Variants in LAPTM5 observed in about 807,000 individuals in gnomAD.
LAPTM5 encodes the protein lysosomal-associated transmembrane protein 5.
Under a neutral mutation model 30.1 loss-of-function variants are expected in LAPTM5, and 11 were observed. That is an observed-to-expected ratio of 0.37 (90% CI 0.23 to 0.60). The LOEUF is 0.60. LAPTM5 is among the 20% of genes least tolerant of loss of function. The pLI, the probability that LAPTM5 is intolerant of heterozygous loss-of-function variation, is 0.71. For missense variants in LAPTM5, 324 were observed against 332.5 expected, an observed-to-expected ratio of 0.97 and a Z score of 0.20; for synonymous variants, 151 against 137.9, an observed-to-expected ratio of 1.10 and a Z score of -0.67.
chr1:30,735,788 G>C (rs919814658), intron 6 of LAPTM5, among the ~76,000 whole-genome samples: 5 of 152,206 alleles, frequency 3.3e-5, no homozygotes, highest in African/African-American at 1.2e-4. Flanking sequence ...CCAGAGTGGG[G>C]CATACAATCC....
chr1:30,743,380 G>A (rs940848934), intron 1 of LAPTM5, among the ~76,000 whole-genome samples: 33 of 152,190 alleles, frequency 2.2e-4, no homozygotes, highest in Non-Finnish European at 3.5e-4. Flanking sequence ...TGTGGAAGGG[G>A]CGAATCTGAT....
Position 30,733,381 on chromosome 1 carries a change from A to G in LAPTM5, c.*447T>C, listed in dbSNP as rs1458215605. On this transcript the variant is annotated 3_prime_UTR_variant, in exon 8 of 8. Coordinates refer to ENST00000294507, the MANE Select transcript of LAPTM5 (RefSeq NM_006762.3). Reference sequence around the variant, plus strand: ...GGGGTAACTAATTAATGATTACTTGATTAAATTGCTATGTGAACTGACAAC... The same window carrying G: ...GGGGTAACTAATTAATGATTACTTGGTTAAATTGCTATGTGAACTGACAAC... 3 of 434,716 alleles carry G rather than the reference A, an allele frequency of 6.9e-6. No homozygotes were observed. Among genetic ancestry groups the G allele is most frequent in the Middle Eastern group, 4.4e-4 (1 of 2,292 alleles). The allele number at this position is 434,716 out of a possible 1,614,324, so 26.9% of individuals were successfully genotyped here.
Position 30,739,244 on chromosome 1 carries a change from C to T in LAPTM5, c.388-182G>A, listed in dbSNP as rs1639933467. On this transcript the variant is annotated intron_variant, in intron 4 of 7. Coordinates refer to ENST00000294507, the MANE Select transcript of LAPTM5 (RefSeq NM_006762.3). The surrounding 1 kb of genome is among the most constrained non-coding windows in gnomAD (Gnocchi z 4.2). ...GTTCATACCAAGAGCTGGTGGCAGA[C>T]CCAAGACTAGAACCAAGGTCTCCAG... 2.7e-6 allele frequency: 2 copies of T among 752,436 alleles called. No individual in the cohort carries two copies. Among genetic ancestry groups the T allele is most frequent in the Admixed American group, 6.1e-5 (2 of 32,538 alleles). 46.6% of individuals were successfully genotyped at this position (752,436 alleles called of 1,614,324 possible).
At chr1:30,749,909 A>G (rs1436623415) in intron 1 of LAPTM5, among the ~76,000 whole-genome samples, 1 of 151,950 alleles carries the variant, frequency 6.6e-6, no homozygotes, top group Admixed American at 6.5e-5. Context: ...ACACGGATCC[A>G]CCGGTTTGGC....
intron 6 of LAPTM5, 132 bp from the exon 7 acceptor site, chr1:30,735,397 T>C: frequency 2.8e-6 from 2 of 720,834 alleles, no homozygotes; most frequent in Non-Finnish European, 4.8e-6. Context: ...TGCTCGGACC[T>C]CTCATTCTGG....
rs550215498 is a variant in LAPTM5, at chr1:30,732,565, C to T, written c.*1263G>A. 3 of 151,894 alleles carry T rather than the reference C, an allele frequency of 2.0e-5. No homozygotes were observed. The highest frequency in any genetic ancestry group is 4.2e-4 in the South Asian group (2 of 4,806). 9.4% of individuals were successfully genotyped at this position (151,894 alleles called of 1,614,324 possible). ...AGGGAGCTCTTGCAGAGCCTTCTCC[C>T]TCTGTACCCCCCGACAGTCCCCAGA... On this transcript the variant is annotated 3_prime_UTR_variant, in exon 8 of 8. Transcript: ENST00000294507.
At chr1:30,736,814 T>A (rs553809814) in intron 6 of LAPTM5, among the ~76,000 whole-genome samples, 1 of 152,320 alleles carries the variant, frequency 6.6e-6, no homozygotes, top group African/African-American at 2.4e-5. Flanking sequence ...AAGCCCTTCC[T>A]TCTGTGGTCA....
chr1:30,747,516 C>G (rs1173648331), intron 1 of LAPTM5, among the ~76,000 whole-genome samples: 2 of 152,198 alleles, frequency 1.3e-5, no homozygotes, highest in African/African-American at 4.8e-5. Context: ...TCTTCTTCTG[C>G]CCATCTTTGG....
At chr1:30,745,331 C>T (rs577880671) in intron 1 of LAPTM5, among the ~76,000 whole-genome samples, 11 of 152,308 alleles carry the variant, frequency 7.2e-5, no homozygotes, top group South Asian at 2.1e-4. Flanking sequence ...CTCCGCTGCC[C>T]GGCATCTTCC....
At chr1:30,749,703 A>T (rs1640103443) in intron 1 of LAPTM5, among the ~76,000 whole-genome samples, 1 of 152,152 alleles carries the variant, frequency 6.6e-6, no homozygotes, top group Non-Finnish European at 1.5e-5. Context: ...GAGGAGGTGG[A>T]TCTTGAAGAA....
rs779865690 is a variant in LAPTM5 at position 30,733,863 on chromosome 1, C to T, written c.754G>A (p.Gly252Arg). 1.9e-6 allele frequency: 3 copies of T among 1,610,782 alleles called. No individual in the cohort carries two copies. The highest frequency in any genetic ancestry group is 1.1e-5 in the South Asian group (1 of 90,862). Residue 252 changes from glycine to arginine, a missense_variant, in exon 8 of 8, where the codon GGG becomes AGG. Coordinates refer to ENST00000294507, the MANE Select transcript of LAPTM5 (RefSeq NM_006762.3). The part of the protein sequence containing the change: ...ALSLPSKTPE[G>R]GPAPPPYSEV Reference sequence around the variant, plus strand: ...GAGTATGGGGGTGGTGCTGGGCCCCCCTCTGGGGTCTTCGATGGCAAAGAC... The same window carrying T: ...GAGTATGGGGGTGGTGCTGGGCCCCTCTCTGGGGTCTTCGATGGCAAAGAC...
Position 30,735,164 on chromosome 1 carries a change from C to A in LAPTM5, c.699+9G>T. 1 of 1,609,608 alleles carries A rather than the reference C, an allele frequency of 6.2e-7. No individual in the cohort carries two copies. Among genetic ancestry groups the A allele is most frequent in the East Asian group, 2.2e-5 (1 of 44,884 alleles). On this transcript the variant is annotated intron_variant, in intron 7 of 7. Transcript: ENST00000294507. ...GACAGGGCTGGCACCCACCTGCAGC[C>A]ACACTCACCTTCTGGAGCATCTTGG...
chr1:30,742,384 C>T (rs939405034), intron 2 of LAPTM5, 72 bp downstream of exon 2: 27 of 1,074,104 alleles, frequency 2.5e-5, no homozygotes, highest in Admixed American at 1.6e-4. Flanking sequence ...CCAACACTAG[C>T]CTGGCTATCC....
chr1:30,752,742 C>G (rs1360455891), intron 1 of LAPTM5, among the ~76,000 whole-genome samples: 5 of 152,354 alleles, frequency 3.3e-5, no homozygotes, highest in Admixed American at 2.0e-4. Flanking sequence ...TGGGGCTGGG[C>G]ACATGGGTGA....
Position 30,746,784 on chromosome 1 carries a change from C to T in LAPTM5, c.88-4235G>A, listed in dbSNP as rs1292363458. ...CCACTAACCTCTCTGGGCCTCGGCT[C>T]CTCATCTGAGGAATGGGGATAATCA... On this transcript the variant is annotated intron_variant, in intron 1 of 7. Coordinates refer to ENST00000294507, the MANE Select transcript of LAPTM5 (RefSeq NM_006762.3). The surrounding 1 kb of genome is among the most constrained non-coding windows in gnomAD (Gnocchi z 4.0). Among the ~76,000 whole-genome samples the T allele has an allele frequency of 6.6e-6, 1 of 152,208 alleles. No homozygotes were observed. The highest frequency in any genetic ancestry group is 1.5e-5 in the Non-Finnish European group (1 of 68,040).
Position 30,739,697 on chromosome 1 carries a change from A to C in LAPTM5, c.387+112T>G, listed in dbSNP as rs1403021640. 7.8e-7 allele frequency: 1 copy of C among 1,275,678 alleles called. No homozygotes were observed. Among genetic ancestry groups the C allele is most frequent in the Non-Finnish European group, 1.0e-6 (1 of 956,346 alleles). 79.0% of individuals were successfully genotyped at this position (1,275,678 alleles called of 1,614,324 possible). ...CTGGGTCAAGACACCAGCCAGGAAG[A>C]GGGCTCCTACCCTCCCCAGCCTGAG... On this transcript the variant is annotated intron_variant, in intron 4 of 7. Coordinates refer to ENST00000294507, the MANE Select transcript of LAPTM5 (RefSeq NM_006762.3). The surrounding 1 kb of genome is among the most constrained non-coding windows in gnomAD (Gnocchi z 4.2).
At chr1:30,742,622 G>T in intron 1 of LAPTM5, 73 bp from the exon 2 acceptor site, 1 of 1,245,114 alleles carries the variant, frequency 8.0e-7, no homozygotes, top group Non-Finnish European at 1.2e-6. Context: ...CCACCTTAGT[G>T]GTGTACAGCA....
chr1:30,752,059 C>A (rs1318470931), intron 1 of LAPTM5, among the ~76,000 whole-genome samples: 1 of 152,230 alleles, frequency 6.6e-6, no homozygotes. Context: ...GAGGAGGAAG[C>A]TTCCCGTAAA....
chr1:30,747,415 T>G (rs968981252), intron 1 of LAPTM5, among the ~76,000 whole-genome samples: 9 of 152,138 alleles, frequency 5.9e-5, no homozygotes, highest in Admixed American at 5.2e-4. Context: ...AAATCAGCTC[T>G]GTCCTCCTGC....
Sources: gnomAD v4.1 joint callset for allele counts (sites outside exome capture counted in the v4.1 genomes callset) on GRCh38, gnomAD v4.1.1 for gene constraint, Gnocchi (gnomAD v3.1) non-coding constraint, MANE v1.5 for transcripts, NCBI Gene and HGNC (gene_info 2026-07-23, HGNC 2026-07-21) for gene names.